The following RYR2 variants were observed in gnomAD, a reference collection of about 807,000 sequenced individuals.
The protein encoded by RYR2 is cardiac muscle ryanodine receptor-calcium release channel.
Under a neutral mutation model 601.1 loss-of-function variants are expected in RYR2, and 227 were observed. The ratio of observed to expected loss-of-function variants is 0.38; its 90% CI spans 0.34 to 0.42. RYR2 has a LOEUF of 0.42. Among genes scored for constraint, RYR2 ranks in the 10% least tolerant of loss-of-function variants. RYR2 has a pLI of 1.00. For synonymous variants in RYR2, 2,223 were observed against 2,175.1 expected, an observed-to-expected ratio of 1.02 and a Z score of -0.61; for missense variants, 4,646 against 6,156.5, an observed-to-expected ratio of 0.75 and a Z score of 8.21.
chr1:237,586,550 G>T (rs1445965537), intron 29 of RYR2, among the ~76,000 whole-genome samples: 1 of 152,068 alleles, frequency 6.6e-6, no homozygotes, highest in African/African-American at 2.4e-5. Flanking sequence ...TGGTTTACTG[G>T]ACTTAGAACT....
At chr1:237,132,095 G>T (rs1027863296) in intron 1 of RYR2, among the ~76,000 whole-genome samples, 1 of 152,162 alleles carries the variant, frequency 6.6e-6, no homozygotes, top group African/African-American at 2.4e-5. Context: ...AAAGAATATT[G>T]CAAAAATGAC....
At chr1:237,270,077 G>A (rs1689527484) in intron 1 of RYR2, among the ~76,000 whole-genome samples, 1 of 152,192 alleles carries the variant, frequency 6.6e-6, no homozygotes, top group African/African-American at 2.4e-5. Flanking sequence ...GAAATGACAT[G>A]TGTGCCTGCT....
At chr1:237,817,733 TGAG>T (rs1308465895) in intron 100 of RYR2, among the ~76,000 whole-genome samples, 4 of 152,138 alleles carry the variant, frequency 2.6e-5, no homozygotes, top group Non-Finnish European at 4.4e-5. Context: ...TACAGGGAGA[TGAG>T]GAAGATTTGG....
chr1:237,141,223 T>C (rs1673356652), intron 1 of RYR2, among the ~76,000 whole-genome samples: 1 of 152,206 alleles, frequency 6.6e-6, no homozygotes, highest in African/African-American at 2.4e-5. Context: ...TAGGTGTCCA[T>C]GTCTCCTTCC....
intron 62 of RYR2, among the ~76,000 whole-genome samples, chr1:237,681,321 G>C (rs1454499942): frequency 6.6e-6 from 1 of 152,182 alleles, no homozygotes; most frequent in East Asian, 1.9e-4. Flanking sequence ...CCTTGGACTT[G>C]ACGTCGATGC....
intron 1 of RYR2, among the ~76,000 whole-genome samples, chr1:237,132,230 G>A (rs140230356): frequency 6.6e-5 from 10 of 152,200 alleles, no homozygotes; most frequent in Non-Finnish European, 1.3e-4. Flanking sequence ...CTATAGCGGG[G>A]CCTGTGTGGA....
chr1:237,245,506 T>C (rs1052366091), intron 1 of RYR2, among the ~76,000 whole-genome samples: 1 of 152,104 alleles, frequency 6.6e-6, no homozygotes, highest in Non-Finnish European at 1.5e-5. Context: ...CATTAAAGCA[T>C]ATAAATAGAG....
intron 17 of RYR2, among the ~76,000 whole-genome samples, chr1:237,490,705 T>C (rs1359475758): frequency 6.6e-6 from 1 of 152,216 alleles, no homozygotes. Context: ...TATTTGTGTT[T>C]TAACAAACTA....
intron 10 of RYR2, among the ~76,000 whole-genome samples, chr1:237,389,665 T>C (rs532879260): frequency 3.3e-5 from 5 of 152,156 alleles, no homozygotes; most frequent in Non-Finnish European, 7.4e-5. Context: ...TCCAGCGCCA[T>C]CTTTTTTTCT....
At chr1:237,201,131 A>G (rs531027967) in intron 1 of RYR2, among the ~76,000 whole-genome samples, 2 of 152,346 alleles carry the variant, frequency 1.3e-5, no homozygotes, top group South Asian at 4.1e-4. Flanking sequence ...TTTTAAAATA[A>G]GCCTCATTTA....
chr1:237,648,829 T>C (rs1682431285), intron 49 of RYR2, among the ~76,000 whole-genome samples: 1 of 152,184 alleles, frequency 6.6e-6, no homozygotes, highest in Admixed American at 6.5e-5. Flanking sequence ...AACTTCCCAC[T>C]GACCAAAAAG....
At chr1:237,358,524 G>A (rs949654265) in intron 4 of RYR2, among the ~76,000 whole-genome samples, 3 of 151,810 alleles carry the variant, frequency 2.0e-5, no homozygotes, top group Non-Finnish European at 2.9e-5. Context: ...TTGGTCTTTC[G>A]GGGAGCTTCT....
chr1:237,312,012 A>G (rs766212906), intron 2 of RYR2, among the ~76,000 whole-genome samples: 2 of 152,150 alleles, frequency 1.3e-5, no homozygotes, highest in African/African-American at 4.8e-5. Flanking sequence ...CGGTACTGGG[A>G]GATGGACTAT....
At chr1:237,651,126 CT>C (rs1408725974) in intron 50 of RYR2, among the ~76,000 whole-genome samples, 1 of 152,102 alleles carries the variant, frequency 6.6e-6, no homozygotes, top group Admixed American at 6.5e-5. Context: ...ACAGTGGAGT[CT>C]GCATTTGTGA....
Position 237,627,803 on chromosome 1 carries a change from G to A in RYR2, c.6167-4G>A, listed in dbSNP as rs1290343163. On this transcript the variant is annotated splice_region_variant and splice_polypyrimidine_tract_variant and intron_variant, in intron 40 of 104. Coordinates refer to ENST00000366574, the MANE Select transcript of RYR2 (RefSeq NM_001035.3). ...TTTAAAAAATATCCATAATGACTTT[G>A]CAGCCACTCTGCAGCAGCTGATTTC... is the stretch of plus-strand genomic sequence containing the variant. 4 of 1,590,928 alleles carry A rather than the reference G, an allele frequency of 2.5e-6. No individual in the cohort carries two copies. Among genetic ancestry groups the A allele is most frequent in the Middle Eastern group, 1.7e-4 (1 of 6,016 alleles).
At chr1:237,814,565 T>TC (rs1490057670) in intron 100 of RYR2, among the ~76,000 whole-genome samples, 1 of 151,898 alleles carries the variant, frequency 6.6e-6, no homozygotes, top group African/African-American at 2.4e-5. Context: ...TTTTTTTTTT[T>TC]TTCCAGATTA....
At chr1:237,465,106 A>G (rs1231990945) in intron 16 of RYR2, among the ~76,000 whole-genome samples, 3 of 151,888 alleles carry the variant, frequency 2.0e-5, no homozygotes, top group Non-Finnish European at 4.4e-5. Flanking sequence ...ACACACACAC[A>G]CACACACGCA....
intron 1 of RYR2, among the ~76,000 whole-genome samples, chr1:237,153,571 G>T (rs1356858598): frequency 6.6e-6 from 1 of 151,588 alleles, no homozygotes; most frequent in Non-Finnish European, 1.5e-5. Flanking sequence ...AACAGTTATA[G>T]ATAGTCTGGG....
chr1:237,760,982 A>G lies in RYR2; in HGVS notation c.11430A>G (p.Arg3810=), dbSNP rs776504175. ...TCCTTGACCTAAATGCATTTGAGCG[A>G]CAAAACAAAGCTGAAGGTCTTGGGA... ...CSVLDLNAFE[R]QNKAEGLGMV... The change falls in exon 84 of 105, where the codon CGA becomes CGG. Residue 3810 remains arginine (R), a synonymous_variant. Coordinates refer to ENST00000366574, the MANE Select transcript of RYR2 (RefSeq NM_001035.3). The G allele has an allele frequency of 1.3e-6, 2 of 1,578,884 alleles. No individual in the cohort carries two copies. Among genetic ancestry groups the G allele is most frequent in the Non-Finnish European group, 1.7e-6 (2 of 1,160,838 alleles).
Sources: allele counts gnomAD v4.1 joint callset (sites outside exome capture counted in the v4.1 genomes callset), GRCh38; gene constraint gnomAD v4.1.1; transcripts MANE v1.5; gene names NCBI Gene and HGNC (gene_info 2026-07-23, HGNC 2026-07-21).